Variants in HAGH observed in about 807,000 individuals in gnomAD.
HAGH encodes the protein hydroxyacylglutathione hydrolase.
A neutral mutation model predicts 35.1 loss-of-function variants in HAGH; 29 were observed. That is an observed-to-expected ratio of 0.83 (90% CI 0.62 to 1.13). HAGH has a LOEUF of 1.13. Among genes scored for constraint, HAGH ranks in the 50% most tolerant of loss-of-function variants. The probability of loss-of-function intolerance (pLI) is 0.00; values close to 1 mark genes in which losing one functional copy is unlikely to be tolerated. For missense variants in HAGH, 478 were observed against 419.6 expected, an observed-to-expected ratio of 1.14 and a Z score of -1.22; for synonymous variants, 225 against 176.1, an observed-to-expected ratio of 1.28 and a Z score of -2.20.
chr16:1,823,376 TCC>T, intron 1 of HAGH, among the ~76,000 whole-genome samples: 1 of 151,772 alleles, frequency 6.6e-6, no homozygotes, highest in South Asian at 2.1e-4. Context: ...CACGCCGTTC[TCC>T]TGTCTCAGCC....
upstream of HAGH, chr16:1,826,833 A>C (rs929437427): frequency 2.2e-5 from 26 of 1,164,634 alleles, no homozygotes; most frequent in African/African-American, 3.9e-4. Context: ...ACTGCAAAAC[A>C]CCGGCGTCGG....
Position 1,817,216 on chromosome 16 carries a change from C to T in HAGH, c.597G>A (p.Glu199=), listed in dbSNP as rs905840942. 6.2e-7 allele frequency: 1 copy of T among 1,613,682 alleles called. No homozygotes were observed. Among genetic ancestry groups the T allele is most frequent in the Non-Finnish European group, 8.5e-7 (1 of 1,179,564 alleles). Residue 199 remains glutamate (E), a synonymous_variant, in exon 6 of 9, where the codon GAG becomes GAA. Transcript: ENST00000397356. ...AGACCTCCAGCAGAGCTTTACACAT[C>T]TCATCCGCAGTCCCTTCATAGAACT... ...CGKFYEGTAD[E]MCKALLEVLG...
intron 7 of HAGH, among the ~76,000 whole-genome samples, chr16:1,811,943 C>T (rs1897666460): frequency 6.6e-6 from 1 of 152,182 alleles, no homozygotes. Flanking sequence ...GTAATCCCAG[C>T]ACTTTGGGAG....
Position 1,819,948 on chromosome 16 carries a change from G to A in HAGH, c.381C>T (p.Asp127=), listed in dbSNP as rs111588797. ...LESGLKVYGG[D]DRIGALTHKI... ...TGTGAGTCAGGGCCCCGATACGGTC[G>A]TCACCCCCGTACACCTTCAGTCCCG... Residue 127 remains aspartate (D), a synonymous_variant, in exon 4 of 9, where the codon GAC becomes GAT. Coordinates refer to ENST00000397356, the MANE Select transcript of HAGH (RefSeq NM_005326.6). 14,899 of 1,613,256 alleles carry A rather than the reference G, an allele frequency of 9.2e-3. 456 individuals carry two copies. The highest frequency in any genetic ancestry group is 0.08 in the South Asian group (7,283 of 91,054).
chr16:1,821,326 A>G (rs1466924052), intron 3 of HAGH, among the ~76,000 whole-genome samples: 1 of 152,166 alleles, frequency 6.6e-6, no homozygotes, highest in Non-Finnish European at 1.5e-5. Context: ...CCACCAGCAC[A>G]GCGCTCCCAC....
intron 7 of HAGH, among the ~76,000 whole-genome samples, chr16:1,816,161 G>A (rs555968498): frequency 7.2e-5 from 10 of 138,678 alleles, no homozygotes; most frequent in South Asian, 5.1e-4. Flanking sequence ...CCGAGATTAC[G>A]CCACTGTACT....
chr16:1,813,720 C>T (rs558133312), intron 7 of HAGH, among the ~76,000 whole-genome samples: 3 of 152,242 alleles, frequency 2.0e-5, no homozygotes, highest in South Asian at 2.1e-4. Flanking sequence ...ATTCTGAAAA[C>T]GGAAATGTAA....
intron 4 of HAGH, 128 bp from the exon 5 acceptor site, chr16:1,819,351 C>T: frequency 1.6e-6 from 1 of 622,416 alleles, no homozygotes; most frequent in Non-Finnish European, 2.8e-6. Flanking sequence ...GAAGGTGGGG[C>T]AGGTGCTCCC....
chr16:1,809,519 A>G (rs946827656), intron 8 of HAGH, 137 bp from the exon 9 acceptor site: 1 of 716,874 alleles, frequency 1.4e-6, no homozygotes. Flanking sequence ...GGCGGCAGCC[A>G]CTCCCCTTCT....
At chr16:1,818,791 G>A in intron 5 of HAGH, 1 of 320,834 alleles carries the variant, frequency 3.1e-6, no homozygotes, top group Non-Finnish European at 5.9e-6. Flanking sequence ...CGGCATCAAG[G>A]AACACAGCCC....
At chr16:1,814,200 C>G (rs764449352) in intron 7 of HAGH, among the ~76,000 whole-genome samples, 1 of 152,130 alleles carries the variant, frequency 6.6e-6, no homozygotes, top group Non-Finnish European at 1.5e-5. Context: ...GTAGGCCGGG[C>G]GCAGTGGCTC....
chr16:1,827,134 C>A, upstream of HAGH: 8 of 1,470,132 alleles, frequency 5.4e-6, no homozygotes, highest in Non-Finnish European at 7.3e-6. Flanking sequence ...AACGGGCCGT[C>A]GCTGCGGGGG....
intron 5 of HAGH, among the ~76,000 whole-genome samples, 200 bp from the exon 6 acceptor site, chr16:1,817,471 C>G (rs557651396): frequency 6.6e-6 from 1 of 152,310 alleles, no homozygotes; most frequent in South Asian, 2.1e-4. Flanking sequence ...GACAGTCCAA[C>G]CACCCAACTG....
chr16:1,826,794 G>A lies in HAGH; in HGVS notation c.-7C>T, dbSNP rs1206674457. On this transcript the variant is annotated 5_prime_UTR_variant, in exon 1 of 9. Transcript: ENST00000397356. ...GCCCTCGGCCCACCACCATGACCCG[G>A]GCCGGGCTGGACTGCCGAGCTGCCC... is the stretch of plus-strand genomic sequence containing the variant. 3 of 1,218,312 alleles carry A rather than the reference G, an allele frequency of 2.5e-6. No individual in the cohort carries two copies. Among genetic ancestry groups the A allele is most frequent in the Non-Finnish European group, 2.0e-6 (2 of 977,690 alleles). The allele number at this position is 1,218,312 out of a possible 1,614,324, so 75.5% of individuals were successfully genotyped here.
intron 7 of HAGH, among the ~76,000 whole-genome samples, chr16:1,813,497 C>CA (rs1897754830): frequency 6.6e-6 from 1 of 152,198 alleles, no homozygotes; most frequent in South Asian, 2.1e-4. Flanking sequence ...AACAAATAAT[C>CA]ATGACCAGAA....
intron 1 of HAGH, chr16:1,826,423 C>A (rs1898422782): frequency 2.7e-6 from 1 of 375,486 alleles, no homozygotes. Flanking sequence ...CCGGGCAGGA[C>A]GCGATGCCCT....
At chr16:1,811,516 C>T (rs1035882285) in intron 7 of HAGH, among the ~76,000 whole-genome samples, 2 of 152,010 alleles carry the variant, frequency 1.3e-5, no homozygotes, top group South Asian at 2.1e-4. Context: ...AGTTTGAGAC[C>T]GGCCTGGCCA....
upstream of HAGH, chr16:1,826,970 G>C (rs541359078): frequency 9.6e-5 from 58 of 605,960 alleles, no homozygotes; most frequent in South Asian, 1.4e-3. Context: ...CGACTGCCAC[G>C]GGCCGGGAGA....
At position 1,817,273 on chromosome 16, in the gene HAGH, TG is replaced by T; in HGVS notation, c.542-3del. ...AGCCAGCCACAAACAAGGTGTCACCTGGAAACAAGGACAGCCACGAGGTGGG... is the reference window on the plus strand; with the variant it reads ...AGCCAGCCACAAACAAGGTGTCACCTGAAACAAGGACAGCCACGAGGTGGG... On this transcript the variant is annotated splice_polypyrimidine_tract_variant and splice_region_variant and intron_variant, in intron 5 of 8. Coordinates refer to ENST00000397356, the MANE Select transcript of HAGH (RefSeq NM_005326.6). 6.2e-7 allele frequency: 1 copy of T among 1,600,168 alleles called. No homozygotes were observed. Among genetic ancestry groups the T allele is most frequent in the Non-Finnish European group, 8.6e-7 (1 of 1,167,384 alleles).
Sources: gnomAD v4.1 joint callset for allele counts (sites outside exome capture counted in the v4.1 genomes callset) on GRCh38, gnomAD v4.1.1 for gene constraint, MANE v1.5 for transcripts, NCBI Gene and HGNC (gene_info 2026-07-23, HGNC 2026-07-21) for gene names.